CCDC85A: variants seen among roughly 807,000 people sequenced by gnomAD.
The protein encoded by CCDC85A is coiled-coil domain containing 85A, also known as coiled-coil domain-containing protein 85A.
In CCDC85A, 38 loss-of-function variants were observed where a neutral mutation model predicts 50.2. The ratio of observed to expected loss-of-function variants is 0.76; its 90% CI spans 0.58 to 0.99. The LOEUF is 0.99. CCDC85A is among the 50% of genes least tolerant of loss of function. The pLI is 0.00. For synonymous variants in CCDC85A, 366 were observed against 301.4 expected (o/e 1.21, Z -2.22); for missense variants, 820 against 742.0 (o/e 1.11, Z -1.22).
At chr2:56,375,960 A>G in intron 5 of CCDC85A, 25 bp downstream of exon 5, 1 of 1,605,450 alleles carries the variant, frequency 6.2e-7, no homozygotes, top group Non-Finnish European at 8.5e-7. Flanking sequence ...GCAACCATTT[A>G]TCCAGAGCTT....
At chr2:56,188,884 C>T (rs1558574103) in intron 1 of CCDC85A, among the ~76,000 whole-genome samples, 1 of 152,180 alleles carries the variant, frequency 6.6e-6, no homozygotes, top group Non-Finnish European at 1.5e-5. Context: ...AGATATGTTG[C>T]ATATTCAAAG....
intron 3 of CCDC85A, among the ~76,000 whole-genome samples, chr2:56,359,882 C>T (rs1675434792): frequency 1.3e-5 from 2 of 152,162 alleles, no homozygotes; most frequent in South Asian, 4.1e-4. Context: ...GTTGTTTCTG[C>T]AGCATCTGTT....
intron 5 of CCDC85A, among the ~76,000 whole-genome samples, chr2:56,378,090 A>G (rs1443725729): frequency 2.0e-5 from 3 of 152,176 alleles, no homozygotes; most frequent in East Asian, 3.9e-4. Context: ...TACAAACATC[A>G]GTTTTGGGAA....
intron 2 of CCDC85A, among the ~76,000 whole-genome samples, chr2:56,215,082 C>A (rs531297958): frequency 6.6e-6 from 1 of 151,988 alleles, no homozygotes; most frequent in African/African-American, 2.4e-5. Flanking sequence ...CACATATAGA[C>A]CAATTTTATT....
intron 2 of CCDC85A, among the ~76,000 whole-genome samples, chr2:56,297,838 C>A (rs150919010): frequency 6.6e-6 from 1 of 152,042 alleles, no homozygotes; most frequent in Non-Finnish European, 1.5e-5. Flanking sequence ...TGGCATTTGG[C>A]AGATGGTTAG....
At chr2:56,267,043 T>A (rs1374099128) in intron 2 of CCDC85A, among the ~76,000 whole-genome samples, 1 of 152,176 alleles carries the variant, frequency 6.6e-6, no homozygotes, top group Non-Finnish European at 1.5e-5. Flanking sequence ...AGCTTTTTTT[T>A]TTCTAATATA....
At chr2:56,271,965 A>T (rs1670719809) in intron 2 of CCDC85A, among the ~76,000 whole-genome samples, 1 of 152,178 alleles carries the variant, frequency 6.6e-6, no homozygotes, top group African/African-American at 2.4e-5. Context: ...CTGCCTAAAG[A>T]TGGAACACCC....
chr2:56,295,272 TCA>T (rs1671895350), intron 2 of CCDC85A, among the ~76,000 whole-genome samples: 1 of 152,192 alleles, frequency 6.6e-6, no homozygotes, highest in Non-Finnish European at 1.5e-5. Context: ...TACTTTTTGC[TCA>T]CAGTTTTTAA....
At chr2:56,204,467 A>G (rs1255889538) in intron 2 of CCDC85A, among the ~76,000 whole-genome samples, 1 of 152,184 alleles carries the variant, frequency 6.6e-6, no homozygotes, top group Non-Finnish European at 1.5e-5. Flanking sequence ...TAAAAGCCAC[A>G]GTGTTAACTC....
intron 2 of CCDC85A, among the ~76,000 whole-genome samples, chr2:56,200,825 T>A (rs1676702960): frequency 6.6e-6 from 1 of 152,170 alleles, no homozygotes; most frequent in South Asian, 2.1e-4. Context: ...TTGTCTCAAA[T>A]CATTATGGAA....
At chr2:56,220,393 C>A (rs531572463) in intron 2 of CCDC85A, among the ~76,000 whole-genome samples, 1 of 152,022 alleles carries the variant, frequency 6.6e-6, no homozygotes, top group African/African-American at 2.4e-5. Flanking sequence ...AAATACTAAA[C>A]TATTAACATC....
At chr2:56,239,927 T>C (rs1414566405) in intron 2 of CCDC85A, among the ~76,000 whole-genome samples, 1 of 152,176 alleles carries the variant, frequency 6.6e-6, no homozygotes, top group African/African-American at 2.4e-5. Flanking sequence ...AAGTTTATAA[T>C]GGAATTGCTT....
At chr2:56,201,424 A>G (rs1297471945) in intron 2 of CCDC85A, among the ~76,000 whole-genome samples, 1 of 152,104 alleles carries the variant, frequency 6.6e-6, no homozygotes, top group African/African-American at 2.4e-5. Flanking sequence ...ATCTAGTTAC[A>G]TATAGTCGTT....
At chr2:56,203,366 T>G (rs750758151) in intron 2 of CCDC85A, among the ~76,000 whole-genome samples, 13 of 102,922 alleles carry the variant, frequency 1.3e-4, no homozygotes, top group Admixed American at 1.8e-4. Flanking sequence ...GAAAATTGTG[T>G]TTTTTTTTTT....
At position 56,377,086 on chromosome 2, in the gene CCDC85A, A is replaced by G. The variant is rs112890269; in HGVS notation, c.1572+1151A>G. Among the ~76,000 whole-genome samples the G allele has an allele frequency of 5.3e-4, 80 of 152,340 alleles. 1 individual carries two copies. The highest frequency in any genetic ancestry group is 1.8e-3 in the African/African-American group (75 of 41,580). On this transcript the variant is annotated intron_variant, in intron 5 of 5. Transcript: ENST00000407595. ...ATACAAAATGAATTTGCTTTTCCTA[A>G]ACATATACTGATTATTGATGAGGGA...
chr2:56,333,765 C>A (rs902453055), intron 2 of CCDC85A, among the ~76,000 whole-genome samples: 2 of 152,020 alleles, frequency 1.3e-5, no homozygotes, highest in Non-Finnish European at 2.9e-5. Flanking sequence ...GAGAGAGGAA[C>A]CACGCATAAT....
At chr2:56,326,374 T>C (rs1328870969) in intron 2 of CCDC85A, among the ~76,000 whole-genome samples, 1 of 152,182 alleles carries the variant, frequency 6.6e-6, no homozygotes, top group Non-Finnish European at 1.5e-5. Flanking sequence ...GTCATTAGCA[T>C]TATTTTGTGT....
At chr2:56,352,721 A>T (rs556687569) in intron 3 of CCDC85A, among the ~76,000 whole-genome samples, 49 of 152,330 alleles carry the variant, frequency 3.2e-4, no homozygotes, top group East Asian at 3.9e-4. Context: ...CATGTTTAGG[A>T]AGCTGAGACA....
At chr2:56,321,408 A>G (rs1344939241) in intron 2 of CCDC85A, among the ~76,000 whole-genome samples, 1 of 152,214 alleles carries the variant, frequency 6.6e-6, no homozygotes, top group Non-Finnish European at 1.5e-5. Context: ...CATTCAGCTC[A>G]AAATCTCCTT....
Sources: allele counts gnomAD v4.1 joint callset (sites outside exome capture counted in the v4.1 genomes callset), GRCh38; gene constraint gnomAD v4.1.1; transcripts MANE v1.5; gene names NCBI Gene and HGNC (gene_info 2026-07-23, HGNC 2026-07-21).